BEGAIN: variants seen among roughly 807,000 people sequenced by gnomAD.
BEGAIN encodes brain-enriched guanylate kinase-associated protein.
BEGAIN carries 19 observed loss-of-function variants against 35.8 expected under a neutral mutation model. That is an observed-to-expected ratio of 0.53 (90% CI 0.37 to 0.78). BEGAIN has a LOEUF of 0.78. Among genes scored for constraint, BEGAIN ranks in the 30% least tolerant of loss-of-function variants. The probability of loss-of-function intolerance (pLI) is 0.00; values close to 1 mark genes in which losing one functional copy is unlikely to be tolerated. For missense variants in BEGAIN, 795 were observed against 853.6 expected (o/e 0.93, Z 0.85); for synonymous variants, 462 against 388.6 (o/e 1.19, Z -2.22).
chr14:100,563,842 C>T lies in BEGAIN; in HGVS notation c.71+4069G>A, dbSNP rs1595138714. On this transcript the variant is annotated intron_variant, in intron 2 of 6. Coordinates refer to ENST00000554140, the MANE Select transcript of BEGAIN (RefSeq NM_001385089.1). The surrounding 1 kb of genome is among the most constrained non-coding windows in gnomAD (Gnocchi z 4.2). ...TTCAGGGAAGCCACCATGACAACAG[C>T]AACTGGTAGCTCCACCTACCACCAC... is the stretch of plus-strand genomic sequence containing the variant. 6.6e-6 allele frequency among the ~76,000 whole-genome samples: 1 copy of T among 152,204 alleles called. No homozygotes were observed. Among genetic ancestry groups the T allele is most frequent in the Non-Finnish European group, 1.5e-5 (1 of 68,048 alleles).
intron 1 of BEGAIN, chr14:100,577,911 A>C: frequency 2.5e-6 from 1 of 399,168 alleles, no homozygotes; most frequent in Non-Finnish European, 4.4e-6. Flanking sequence ...TGGGACAGGT[A>C]GGGTTAGAGC....
chr14:100,546,780 GCACA>G (rs879183769), intron 2 of BEGAIN, 118 bp from the exon 3 acceptor site: 26,051 of 341,016 alleles, frequency 0.076, 562 homozygotes, highest in South Asian at 0.1. Context: ...GCGCGCGCGC[GCACA>G]CACACACACA....
At chr14:100,561,724 A>AG (rs949649711) in intron 2 of BEGAIN, among the ~76,000 whole-genome samples, 2 of 151,978 alleles carry the variant, frequency 1.3e-5, no homozygotes, top group African/African-American at 4.8e-5. Context: ...TCGAAAAAAA[A>AG]AAAAATTTGC....
chr14:100,565,644 C>T (rs1445956952), intron 2 of BEGAIN, among the ~76,000 whole-genome samples: 1 of 152,128 alleles, frequency 6.6e-6, no homozygotes, highest in Non-Finnish European at 1.5e-5. Flanking sequence ...GAGGCAGGAC[C>T]GACCATAGGG....
rs548146098 is a variant in BEGAIN, at chr14:100,546,798, A to T, written c.72-136T>A. The stretch of plus-strand genomic sequence containing the variant: ...CGCGCGCGCACACACACACACACAC[A>T]CACACACACACACACTCACACACAC... On this transcript the variant is annotated intron_variant, in intron 2 of 6. Coordinates refer to ENST00000554140, the MANE Select transcript of BEGAIN (RefSeq NM_001385089.1). 1,473 of 631,946 alleles carry T rather than the reference A, an allele frequency of 2.3e-3. 21 individuals are homozygous for T. In the African/African-American group the frequency reaches 0.026, roughly 11 times the overall value. 39.1% of individuals were successfully genotyped at this position (631,946 alleles called of 1,614,324 possible).
intron 2 of BEGAIN, among the ~76,000 whole-genome samples, chr14:100,551,771 G>A (rs1382885045): frequency 6.6e-6 from 1 of 152,150 alleles, no homozygotes; most frequent in African/African-American, 2.4e-5. Flanking sequence ...GTCAGGAAAA[G>A]CTCTTGGCAC....
At chr14:100,577,085 A>G (rs1370093043) in intron 1 of BEGAIN, among the ~76,000 whole-genome samples, 1 of 152,238 alleles carries the variant, frequency 6.6e-6, no homozygotes, top group African/African-American at 2.4e-5. Flanking sequence ...GGGGATTATT[A>G]TAATTGTTAT....
At chr14:100,582,395 G>A (rs374046128) in intron 1 of BEGAIN, among the ~76,000 whole-genome samples, 48 of 152,180 alleles carry the variant, frequency 3.2e-4, no homozygotes, top group African/African-American at 1.1e-3. Flanking sequence ...GGCCCACCTC[G>A]GCCTCCCAAA....
chr14:100,583,131 C>T (rs1297296220), intron 1 of BEGAIN, among the ~76,000 whole-genome samples: 2 of 151,768 alleles, frequency 1.3e-5, no homozygotes, highest in Non-Finnish European at 2.9e-5. Flanking sequence ...CTCTCACTCC[C>T]GTCTCCATCT....
Position 100,537,965 on chromosome 14 carries a change from G to A in BEGAIN, c.*4C>T. Reference sequence around the variant, plus strand: ...GAACCACGGCCAGGCCTGCACGCAGGCGCTCAGTTGAGCAAGGTTCCGTAG... The same window carrying A: ...GAACCACGGCCAGGCCTGCACGCAGACGCTCAGTTGAGCAAGGTTCCGTAG... On this transcript the variant is annotated 3_prime_UTR_variant, in exon 7 of 7. Coordinates refer to ENST00000554140, the MANE Select transcript of BEGAIN (RefSeq NM_001385089.1). The A allele has an allele frequency of 6.2e-7, 1 of 1,603,898 alleles. No individual in the cohort carries two copies. The highest frequency in any genetic ancestry group is 1.1e-5 in the South Asian group (1 of 90,036).
At chr14:100,585,272 CCCAT>C (rs1298455413) in intron 1 of BEGAIN, among the ~76,000 whole-genome samples, 5 of 96,860 alleles carry the variant, frequency 5.2e-5, no homozygotes, top group Non-Finnish European at 1.0e-4. Flanking sequence ...ATCCATCCAT[CCCAT>C]CCATCCATCC....
At chr14:100,565,204 G>A (rs757936566) in intron 2 of BEGAIN, among the ~76,000 whole-genome samples, 9 of 152,208 alleles carry the variant, frequency 5.9e-5, no homozygotes, top group South Asian at 2.1e-4. Context: ...GGGCAAGAGC[G>A]TCATGAAAAC....
intron 2 of BEGAIN, among the ~76,000 whole-genome samples, chr14:100,561,146 C>A (rs1300451275): frequency 6.6e-6 from 1 of 152,160 alleles, no homozygotes; most frequent in African/African-American, 2.4e-5. Context: ...CCATCGACGG[C>A]CCCTGGGGAA....
intron 1 of BEGAIN, among the ~76,000 whole-genome samples, chr14:100,576,209 A>G (rs1400696035): frequency 1.3e-5 from 2 of 152,064 alleles, no homozygotes; most frequent in African/African-American, 4.8e-5. Flanking sequence ...CAGGGCTTCA[A>G]ATCACCAGAA....
At chr14:100,542,224 T>C (rs2031732419) in intron 5 of BEGAIN, among the ~76,000 whole-genome samples, 1 of 152,080 alleles carries the variant, frequency 6.6e-6, no homozygotes, top group East Asian at 1.9e-4. Flanking sequence ...GTTCCCCAAA[T>C]CCCAATGCCT....
chr14:100,562,851 T>C (rs2139670116), intron 2 of BEGAIN, among the ~76,000 whole-genome samples: 1 of 152,294 alleles, frequency 6.6e-6, no homozygotes, highest in South Asian at 2.1e-4. Flanking sequence ...ACTTAAAAAG[T>C]TTTCTGTTCC....
chr14:100,546,778 GCGCACACACACA>G lies in BEGAIN; in HGVS notation c.72-128_72-117del, dbSNP rs1174899924. On this transcript the variant is annotated intron_variant, in intron 2 of 6. Coordinates refer to ENST00000554140, the MANE Select transcript of BEGAIN (RefSeq NM_001385089.1). ...CGCGAGTACCGGCGCGCGCGCGCGC[GCGCACACACACA>G]CACACACACACACACACACACACTC... is the stretch of plus-strand genomic sequence containing the variant. 5.3e-4 allele frequency: 290 copies of G among 542,212 alleles called. 1 individual carries two copies. The East Asian group carries it at 0.011, about 20-fold the overall frequency. 33.6% of individuals were successfully genotyped at this position (542,212 alleles called of 1,614,324 possible).
chr14:100,549,909 G>A (rs1304412806), intron 2 of BEGAIN: 2 of 152,444 alleles, frequency 1.3e-5, no homozygotes, highest in Non-Finnish European at 2.9e-5. Context: ...GACATACAGG[G>A]AGGGCTGTGG....
At chr14:100,569,014 C>T (rs2034963304) in intron 1 of BEGAIN, 1 of 913,514 alleles carries the variant, frequency 1.1e-6, no homozygotes, top group Non-Finnish European at 1.3e-6. Context: ...CACCGCCCCG[C>T]CGGGCGAGGG....
Sources: gnomAD v4.1 joint callset for allele counts (sites outside exome capture counted in the v4.1 genomes callset) on GRCh38, gnomAD v4.1.1 for gene constraint, Gnocchi (gnomAD v3.1) non-coding constraint, MANE v1.5 for transcripts, NCBI Gene and HGNC (gene_info 2026-07-23, HGNC 2026-07-21) for gene names.